Variants in CDYL observed in about 807,000 individuals in gnomAD.
The protein encoded by CDYL is chromodomain Y-like protein.
Under a neutral mutation model 47.3 loss-of-function variants are expected in CDYL, and 8 were observed. That is an observed-to-expected ratio of 0.17 (90% CI 0.10 to 0.31). The LOEUF (loss-of-function observed/expected upper bound fraction) is 0.31. Among genes scored for constraint, CDYL ranks in the 10% least tolerant of loss-of-function variants. The pLI is 1.00. For missense variants in CDYL, 471 were observed against 701.4 expected (o/e 0.67, Z 3.71); for synonymous variants, 266 against 265.0 (o/e 1.00, Z -0.04).
At chr6:4,814,337 T>G (rs1759611087) in intron 1 of CDYL, among the ~76,000 whole-genome samples, 2 of 152,182 alleles carry the variant, frequency 1.3e-5, no homozygotes, top group Admixed American at 6.5e-5. Flanking sequence ...AAAAACAACC[T>G]TTAAGTAATT....
At chr6:4,791,710 G>T (rs1162114202) in intron 1 of CDYL, among the ~76,000 whole-genome samples, 1 of 141,886 alleles carries the variant, frequency 7.0e-6, no homozygotes, top group Non-Finnish European at 1.5e-5. Flanking sequence ...ATCAAAGAAA[G>T]AAAAAAAAAA....
chr6:4,819,274 A>G (rs1759766681), intron 1 of CDYL, among the ~76,000 whole-genome samples: 2 of 151,892 alleles, frequency 1.3e-5, no homozygotes, highest in African/African-American at 4.8e-5. Context: ...TTAAAGTCTT[A>G]CTTGTATGTT....
intron 2 of CDYL, among the ~76,000 whole-genome samples, chr6:4,717,980 C>T (rs957198903): frequency 1.6e-4 from 25 of 151,670 alleles, no homozygotes; most frequent in East Asian, 3.9e-4. Flanking sequence ...CAGATAGCTG[C>T]GATTGTAGGC....
At chr6:4,781,072 CT>C (rs140584465) in intron 1 of CDYL, among the ~76,000 whole-genome samples, 5,055 of 152,204 alleles carry the variant, frequency 0.033, 280 homozygotes, top group African/African-American at 0.11. Flanking sequence ...TAGTCTTGAC[CT>C]TCTGAGAGAA....
chr6:4,928,051 G>A (rs2127514464), intron 2 of CDYL, among the ~76,000 whole-genome samples: 1 of 152,214 alleles, frequency 6.6e-6, no homozygotes, highest in Non-Finnish European at 1.5e-5. Context: ...CTAGAACTGT[G>A]CTTTTCGTGT....
chr6:4,879,536 A>G (rs1028635609), intron 1 of CDYL, among the ~76,000 whole-genome samples: 1 of 128,796 alleles, frequency 7.8e-6, no homozygotes, highest in Non-Finnish European at 1.7e-5. Context: ...TAATATTTCC[A>G]TTTCTTTTTT....
intron 1 of CDYL, among the ~76,000 whole-genome samples, chr6:4,815,497 A>T (rs993883152): frequency 2.6e-5 from 4 of 152,130 alleles, no homozygotes; most frequent in African/African-American, 9.7e-5. Flanking sequence ...TGTCAGAAGG[A>T]ACACACATTT....
intron 2 of CDYL, among the ~76,000 whole-genome samples, chr6:4,727,899 T>C (rs1365161677): frequency 6.6e-6 from 1 of 152,170 alleles, no homozygotes; most frequent in African/African-American, 2.4e-5. Context: ...GGTTTCAGTC[T>C]TGCTGGCTCT....
In CDYL at chr6:4,837,004, G is replaced by A. The variant is rs7746505; in HGVS notation, c.25-54709G>A. On this transcript the variant is annotated intron_variant, in intron 1 of 6. Coordinates refer to ENST00000397588, the MANE Select transcript of CDYL (RefSeq NM_004824.4). ...TGGAAGTCTCTCTCATGAGAGTGAG[G>A]GCAGCAGTGGTGTTCACCTGTATAT... is the stretch of plus-strand genomic sequence containing the variant. 1.6e-3 allele frequency among the ~76,000 whole-genome samples: 239 copies of A among 152,292 alleles called. 3 individuals carry two copies. The highest frequency in any genetic ancestry group is 5.4e-3 in the African/African-American group (224 of 41,564).
intron 2 of CDYL, among the ~76,000 whole-genome samples, chr6:4,899,154 C>T (rs1211500154): frequency 3.9e-5 from 6 of 152,168 alleles, no homozygotes; most frequent in Admixed American, 6.5e-5. Context: ...CATCAGCTCC[C>T]CTTTTGTAAT....
At chr6:4,799,072 T>C (rs1238265770) in intron 1 of CDYL, among the ~76,000 whole-genome samples, 2 of 152,238 alleles carry the variant, frequency 1.3e-5, no homozygotes, top group Non-Finnish European at 2.9e-5. Flanking sequence ...GTGCTGTACA[T>C]TTACTTGCAG....
At chr6:4,729,319 G>T (rs6937781) in intron 2 of CDYL, among the ~76,000 whole-genome samples, 1 of 151,528 alleles carries the variant, frequency 6.6e-6, no homozygotes, top group Non-Finnish European at 1.5e-5. Context: ...GCCTTTTTCC[G>T]ATCTATTTTC....
At chr6:4,749,482 GGA>G in intron 3 of CDYL, among the ~76,000 whole-genome samples, 1 of 151,946 alleles carries the variant, frequency 6.6e-6, no homozygotes, top group African/African-American at 2.4e-5. Flanking sequence ...ATGGATGAAT[GGA>G]TGGATGAATG....
chr6:4,766,841 CA>C (rs1048555210), intron 3 of CDYL, among the ~76,000 whole-genome samples: 3 of 150,156 alleles, frequency 2.0e-5, no homozygotes, highest in South Asian at 2.1e-4. Context: ...CTGTTCTCCA[CA>C]AAAAAAAAGT....
chr6:4,938,769 CAAT>C (rs1258218690), intron 4 of CDYL, among the ~76,000 whole-genome samples: 1 of 152,138 alleles, frequency 6.6e-6, no homozygotes, highest in Non-Finnish European at 1.5e-5. Flanking sequence ...TTTCATGTGA[CAAT>C]ATGACTTTGA....
intron 1 of CDYL, among the ~76,000 whole-genome samples, chr6:4,859,961 G>T (rs186516036): frequency 2.1e-4 from 32 of 151,616 alleles, no homozygotes; most frequent in African/African-American, 7.8e-4. Context: ...GAGTGCAGTG[G>T]CGCAATCTCG....
At chr6:4,735,367 T>C (rs1034375310) in intron 3 of CDYL, among the ~76,000 whole-genome samples, 1 of 152,164 alleles carries the variant, frequency 6.6e-6, no homozygotes, top group African/African-American at 2.4e-5. Context: ...ATCAATTACA[T>C]TGAAATGCAG....
intron 1 of CDYL, among the ~76,000 whole-genome samples, chr6:4,810,884 C>T (rs561228232): frequency 1.6e-4 from 25 of 152,312 alleles, no homozygotes; most frequent in African/African-American, 5.8e-4. Context: ...CCTTTTAGTA[C>T]CATCATACTA....
At chr6:4,795,912 T>A (rs1053419337) in intron 1 of CDYL, among the ~76,000 whole-genome samples, 5 of 152,238 alleles carry the variant, frequency 3.3e-5, no homozygotes, top group African/African-American at 1.2e-4. Context: ...AAGTTTAATT[T>A]CATTTTTTTC....
Sources: gnomAD v4.1 joint callset for allele counts (sites outside exome capture counted in the v4.1 genomes callset) on GRCh38, gnomAD v4.1.1 for gene constraint, MANE v1.5 for transcripts, NCBI Gene and HGNC (gene_info 2026-07-23, HGNC 2026-07-21) for gene names.